Variants in PLA2G4C observed in about 807,000 individuals in gnomAD.
PLA2G4C encodes phospholipase A2 group IVC.
A neutral mutation model predicts 73.8 loss-of-function variants in PLA2G4C; 64 were observed. The observed-to-expected ratio is 0.87, with a 90% CI of 0.71 to 1.07. The LOEUF is 1.07. PLA2G4C is among the 50% of genes least tolerant of loss of function. PLA2G4C has a pLI of 0.00. For missense variants in PLA2G4C, 622 were observed against 665.4 expected (o/e 0.93, Z 0.72); for synonymous variants, 254 against 252.1 (o/e 1.01, Z -0.07).
intron 11 of PLA2G4C, among the ~76,000 whole-genome samples, chr19:48,075,135 G>C (rs1194310185): frequency 6.6e-6 from 1 of 151,166 alleles, no homozygotes; most frequent in East Asian, 1.9e-4. Context: ...TTTCTTCAGG[G>C]TTGGAGGCAA....
chr19:48,052,025 T>C (rs1967747381), intron 16 of PLA2G4C: 1 of 152,036 alleles, frequency 6.6e-6, no homozygotes, highest in African/African-American at 2.4e-5. Context: ...GACTATAGGC[T>C]TGTGCTACCA....
intron 11 of PLA2G4C, among the ~76,000 whole-genome samples, chr19:48,075,717 T>C (rs970897866): frequency 2.6e-5 from 4 of 152,196 alleles, no homozygotes; most frequent in African/African-American, 7.2e-5. Flanking sequence ...GGCTCCACCC[T>C]CATGGTCTCA....
rs1220476498 is a variant in PLA2G4C at position 48,101,124 on chromosome 19, ATATTT to A, written c.258-1269_258-1265del. ...AGAGTCTATATATATATATATATAT[ATATTT>A]TTTTTTTTTTTTTTGAGACAGGTCT... On this transcript the variant is annotated intron_variant, in intron 4 of 16. Coordinates refer to ENST00000599921, the MANE Select transcript of PLA2G4C (RefSeq NM_003706.3). 1.2e-4 allele frequency among the ~76,000 whole-genome samples: 7 copies of A among 59,434 alleles called. 1 individual carries two copies. The highest frequency in any genetic ancestry group is 7.0e-4 in the African/African-American group (7 of 9,948). The allele number at this position is 59,434 out of a possible 152,430, so 39.0% of individuals were successfully genotyped here. A position where few individuals can be genotyped will look rare whatever the true frequency, so the allele number is the denominator to read the frequency against.
rs1406445059 is a variant in PLA2G4C at position 48,048,073 on chromosome 19, T to G, written c.*270A>C. On this transcript the variant is annotated 3_prime_UTR_variant, in exon 17 of 17. Transcript: ENST00000599921. ...GGACATTGGACATGATGCTTCTGAT[T>G]GTCAGACACTCATGCTCCAGCTCCA... 2.0e-6 allele frequency: 1 copy of G among 488,020 alleles called. No individual in the cohort carries two copies. Among genetic ancestry groups the G allele is most frequent in the Non-Finnish European group, 3.6e-6 (1 of 280,426 alleles). 30.2% of individuals were successfully genotyped at this position (488,020 alleles called of 1,614,324 possible).
intron 16 of PLA2G4C, among the ~76,000 whole-genome samples, chr19:48,050,229 C>G (rs1967673280): frequency 6.6e-6 from 1 of 152,072 alleles, no homozygotes; most frequent in South Asian, 2.1e-4. Flanking sequence ...CTCTGTGGTA[C>G]TTTTTAATGG....
chr19:48,067,462 C>G lies in PLA2G4C; in HGVS notation c.1102+329G>C, dbSNP rs967679606. Among the ~76,000 whole-genome samples the G allele has an allele frequency of 3.3e-5, 5 of 152,016 alleles. No individual in the cohort carries two copies. In the Admixed American group the frequency reaches 3.3e-4, roughly 10 times the overall value. On this transcript the variant is annotated intron_variant, in intron 13 of 16. Coordinates refer to ENST00000599921, the MANE Select transcript of PLA2G4C (RefSeq NM_003706.3). Reference sequence around the variant, plus strand: ...GGATTACAGGCATGAGCCACTGCGCCCAGCCCATACAAGTGTTTTTGAAGA... The same window carrying G: ...GGATTACAGGCATGAGCCACTGCGCGCAGCCCATACAAGTGTTTTTGAAGA...
intron 12 of PLA2G4C, among the ~76,000 whole-genome samples, chr19:48,071,861 G>T (rs1223794085): frequency 6.6e-6 from 1 of 152,008 alleles, no homozygotes; most frequent in Admixed American, 6.6e-5. Flanking sequence ...AGTAAGTTAA[G>T]AATTGGCCGG....
Position 48,054,860 on chromosome 19 carries a change from C to T in PLA2G4C, c.1429+18G>A. 1 of 1,612,968 alleles carries T rather than the reference C, an allele frequency of 6.2e-7. No homozygotes were observed. The highest frequency in any genetic ancestry group is 2.2e-5 in the East Asian group (1 of 44,866). The stretch of plus-strand genomic sequence containing the variant: ...ACTAATACAGGTGGCTTCTCACCTG[C>T]TCCTCCCCTGCACCTACCTCCACAG... On this transcript the variant is annotated intron_variant, in intron 15 of 16. Transcript: ENST00000599921.
chr19:48,070,620 A>G (rs1443262540), intron 12 of PLA2G4C, among the ~76,000 whole-genome samples: 4 of 152,226 alleles, frequency 2.6e-5, no homozygotes, highest in Non-Finnish European at 5.9e-5. Flanking sequence ...GGAAGCCATT[A>G]TCCTCAGCAA....
At chr19:48,069,116 G>A (rs1266145512) in intron 12 of PLA2G4C, among the ~76,000 whole-genome samples, 14 of 151,884 alleles carry the variant, frequency 9.2e-5, no homozygotes, top group Non-Finnish European at 1.6e-4. Context: ...CTTTTGTTAG[G>A]GCAGCAGAGC....
chr19:48,108,885 T>C (rs907657712), intron 1 of PLA2G4C: 2 of 152,194 alleles, frequency 1.3e-5, no homozygotes, highest in Non-Finnish European at 1.5e-5. Flanking sequence ...GCAGAGATCA[T>C]GCCATTGCAC....
chr19:48,061,867 C>T lies in PLA2G4C; in HGVS notation c.1257+131G>A, dbSNP rs770016615. On this transcript the variant is annotated intron_variant, in intron 14 of 16. Transcript: ENST00000599921. Reference sequence around the variant, plus strand: ...GGGAGCGATGGGTGAGTTGATTTGGCTCTCTGGACTTCCCAGCCAGCACCT... The same window carrying T: ...GGGAGCGATGGGTGAGTTGATTTGGTTCTCTGGACTTCCCAGCCAGCACCT... 7 of 889,046 alleles carry T rather than the reference C, an allele frequency of 7.9e-6. No homozygotes were observed. In the Admixed American group the frequency reaches 1.3e-4, roughly 16 times the overall value. The allele number at this position is 889,046 out of a possible 1,614,324, so 55.1% of individuals were successfully genotyped here.
At chr19:48,048,754 T>C (rs1489435388) in intron 16 of PLA2G4C, among the ~76,000 whole-genome samples, 1 of 152,216 alleles carries the variant, frequency 6.6e-6, no homozygotes, top group Non-Finnish European at 1.5e-5. Flanking sequence ...TCCCCTACCC[T>C]GATCCAGCAA....
rs1967594492 is a variant in PLA2G4C, at chr19:48,048,240, C to T, written c.*103G>A. ...AGGACAGCCAAGGTGAACTCAAGGC[C>T]ATGAAGCGTGTGGCTGAAGGGAGTG... On this transcript the variant is annotated 3_prime_UTR_variant, in exon 17 of 17. Transcript: ENST00000599921. 3 of 801,096 alleles carry T rather than the reference C, an allele frequency of 3.7e-6. No individual in the cohort carries two copies. Among genetic ancestry groups the T allele is most frequent in the Non-Finnish European group, 6.2e-6 (3 of 484,732 alleles). 49.6% of individuals were successfully genotyped at this position (801,096 alleles called of 1,614,324 possible).
intron 11 of PLA2G4C, 143 bp downstream of exon 11, chr19:48,077,628 C>A: frequency 1.8e-6 from 1 of 567,414 alleles, no homozygotes; most frequent in East Asian, 3.3e-5. Flanking sequence ...GCCTCAGGCA[C>A]CTGGGAGAGT....
chr19:48,106,501 G>T (rs778465058), intron 2 of PLA2G4C, 21 bp downstream of exon 2: 2 of 1,585,640 alleles, frequency 1.3e-6, no homozygotes, highest in Non-Finnish European at 1.7e-6. Flanking sequence ...CCCCATAGTG[G>T]TCAGCTCTAA....
intron 16 of PLA2G4C, among the ~76,000 whole-genome samples, chr19:48,049,506 G>A (rs201808068): frequency 2.8e-5 from 4 of 144,042 alleles, no homozygotes; most frequent in Non-Finnish European, 6.2e-5. Flanking sequence ...GTTGCCCCCC[G>A]GGAGGAGGTA....
chr19:48,081,148 G>C (rs2030538739), intron 10 of PLA2G4C, among the ~76,000 whole-genome samples: 1 of 147,304 alleles, frequency 6.8e-6, no homozygotes, highest in Non-Finnish European at 1.5e-5. Context: ...TTGGGTGACA[G>C]AGTGAGACTG....
At chr19:48,097,968 C>T in intron 6 of PLA2G4C, 171 bp downstream of exon 6, 2 of 664,514 alleles carry the variant, frequency 3.0e-6, no homozygotes, top group Non-Finnish European at 5.0e-6. Flanking sequence ...CCTCTGGTCA[C>T]TTCTGGGACT....
Sources: allele counts gnomAD v4.1 joint callset (sites outside exome capture counted in the v4.1 genomes callset), GRCh38; gene constraint gnomAD v4.1.1; transcripts MANE v1.5; gene names NCBI Gene and HGNC (gene_info 2026-07-23, HGNC 2026-07-21).